The following RNF152 variants were observed in gnomAD, a reference collection of about 807,000 sequenced individuals.
The protein encoded by RNF152 is ring finger protein 152.
RNF152 carries 11 observed loss-of-function variants against 12.7 expected under a neutral mutation model. That is an observed-to-expected ratio of 0.86 (90% CI 0.54 to 1.43). RNF152 has a LOEUF of 1.43. RNF152 is among the 40% of genes most tolerant of loss of function. The pLI is 0.00. For missense variants in RNF152, 255 were observed against 274.8 expected (o/e 0.93, Z 0.51); for synonymous variants, 113 against 120.3 (o/e 0.94, Z 0.40).
chr18:61,833,320 T>G (rs1227714388), intron 1 of RNF152, among the ~76,000 whole-genome samples: 1 of 152,208 alleles, frequency 6.6e-6, no homozygotes, highest in African/African-American at 2.4e-5. Flanking sequence ...ACTCTCAAGT[T>G]ATTGAGTAAC....
intron 1 of RNF152, among the ~76,000 whole-genome samples, chr18:61,853,753 A>G (rs1911094479): frequency 6.6e-6 from 1 of 152,128 alleles, no homozygotes; most frequent in African/African-American, 2.4e-5. Flanking sequence ...GCTCAACCAG[A>G]TATTTCAGGA....
At position 61,811,093 on chromosome 18, in the gene RNF152, A is replaced by G. The variant is rs1912960752; in HGVS notation, c.*4759T>C. On this transcript the variant is annotated 3_prime_UTR_variant, in exon 2 of 2. Coordinates refer to ENST00000312828, the MANE Select transcript of RNF152 (RefSeq NM_173557.3). ...ATTTTTAAAGGCAAGCTAAGAAGGA[A>G]AGTCTTGCACATTGATGAGTTCTAG... is the stretch of plus-strand genomic sequence containing the variant. 6.6e-6 allele frequency: 1 copy of G among 152,308 alleles called. No homozygotes were observed. Among genetic ancestry groups the G allele is most frequent in the South Asian group, 2.1e-4 (1 of 4,830 alleles). The allele number at this position is 152,308 out of a possible 1,614,324, so 9.4% of individuals were successfully genotyped here.
intron 1 of RNF152, among the ~76,000 whole-genome samples, chr18:61,819,991 A>C (rs2144621794): frequency 6.9e-6 from 1 of 144,650 alleles, no homozygotes. Flanking sequence ...ACTGCACTCC[A>C]GCCTGAATGA....
At chr18:61,870,386 G>A (rs1287220310) in intron 1 of RNF152, among the ~76,000 whole-genome samples, 1 of 152,068 alleles carries the variant, frequency 6.6e-6, no homozygotes, top group Non-Finnish European at 1.5e-5. Flanking sequence ...CATCTCCCAC[G>A]TGGTATTTTC....
intron 1 of RNF152, among the ~76,000 whole-genome samples, chr18:61,878,071 G>C (rs1395869348): frequency 6.6e-6 from 1 of 152,194 alleles, no homozygotes; most frequent in Non-Finnish European, 1.5e-5. Flanking sequence ...AAGAGAACGA[G>C]GGTAGAAAAG....
chr18:61,819,236 C>T (rs1233512473), intron 1 of RNF152, among the ~76,000 whole-genome samples: 1 of 152,216 alleles, frequency 6.6e-6, no homozygotes, highest in Non-Finnish European at 1.5e-5. Flanking sequence ...TGCAAGCACT[C>T]TCCCCAGACC....
At chr18:61,864,655 T>C (rs1410768682) in intron 1 of RNF152, among the ~76,000 whole-genome samples, 1 of 152,166 alleles carries the variant, frequency 6.6e-6, no homozygotes, top group Non-Finnish European at 1.5e-5. Flanking sequence ...CACAACCCTC[T>C]AATCACAGAG....
intron 1 of RNF152, among the ~76,000 whole-genome samples, chr18:61,817,742 TA>T (rs397956442): frequency 0.013 from 1,930 of 143,152 alleles, 24 homozygotes; most frequent in African/African-American, 0.038. Flanking sequence ...TTCCTCATTG[TA>T]AAAAAAAAAA....
chr18:61,825,994 A>G (rs1909647076), intron 1 of RNF152, among the ~76,000 whole-genome samples: 1 of 152,220 alleles, frequency 6.6e-6, no homozygotes, highest in Admixed American at 6.5e-5. Flanking sequence ...AGGGGCAGGT[A>G]GTATATCCAG....
At chr18:61,839,728 T>C (rs1910362683) in intron 1 of RNF152, among the ~76,000 whole-genome samples, 1 of 152,118 alleles carries the variant, frequency 6.6e-6, no homozygotes. Flanking sequence ...ACCCTGTCTC[T>C]ACTAAAAATA....
At chr18:61,872,037 G>C (rs193256917) in intron 1 of RNF152, among the ~76,000 whole-genome samples, 1 of 152,198 alleles carries the variant, frequency 6.6e-6, no homozygotes, top group African/African-American at 2.4e-5. Context: ...TGTACAGTAA[G>C]CATGATGTTG....
chr18:61,873,588 G>GC, intron 1 of RNF152, among the ~76,000 whole-genome samples: 1 of 152,166 alleles, frequency 6.6e-6, no homozygotes, highest in Non-Finnish European at 1.5e-5. Context: ...ACCCACCTCA[G>GC]CTGCCAAAGT....
At chr18:61,878,179 T>C (rs1485844437) in intron 1 of RNF152, among the ~76,000 whole-genome samples, 1 of 152,170 alleles carries the variant, frequency 6.6e-6, no homozygotes, top group Admixed American at 6.5e-5. Flanking sequence ...TATAGTCGAG[T>C]GATTGTCAAC....
chr18:61,823,034 T>C (rs1909490636), intron 1 of RNF152, among the ~76,000 whole-genome samples: 1 of 152,244 alleles, frequency 6.6e-6, no homozygotes, highest in Admixed American at 6.5e-5. Flanking sequence ...GTGGCAAGAA[T>C]GGGAATGCCC....
At chr18:61,875,114 A>T (rs555913105) in intron 1 of RNF152, 1 of 152,230 alleles carries the variant, frequency 6.6e-6, no homozygotes, top group Admixed American at 6.5e-5. Context: ...TATTGAAGGA[A>T]GAGTTAGAGT....
intron 1 of RNF152, among the ~76,000 whole-genome samples, chr18:61,885,770 G>C (rs1021409964): frequency 2.4e-4 from 36 of 152,024 alleles, no homozygotes; most frequent in African/African-American, 8.5e-4. Flanking sequence ...AAAAAGGGAG[G>C]TAAAACAGAT....
chr18:61,824,937 T>TGACA (rs1909587300), intron 1 of RNF152, among the ~76,000 whole-genome samples: 1 of 152,166 alleles, frequency 6.6e-6, no homozygotes, highest in Admixed American at 6.5e-5. Flanking sequence ...TAAAAGATGC[T>TGACA]GACAGATAGA....
Position 61,814,276 on chromosome 18 carries a change from T to G in RNF152, c.*1576A>C, listed in dbSNP as rs1303481184. ...CACAGGGCTATTTTCTAGCCTTGCT[T>G]TTTGGAATTAGCCCTGCTTGTCTTT... On this transcript the variant is annotated 3_prime_UTR_variant, in exon 2 of 2. Transcript: ENST00000312828. 1 of 152,238 alleles carries G rather than the reference T, an allele frequency of 6.6e-6. No homozygotes were observed. Among genetic ancestry groups the G allele is most frequent in the Non-Finnish European group, 1.5e-5 (1 of 68,048 alleles). 9.4% of individuals were successfully genotyped at this position (152,238 alleles called of 1,614,324 possible).
chr18:61,852,802 G>A (rs755446098), intron 1 of RNF152, among the ~76,000 whole-genome samples: 18 of 152,066 alleles, frequency 1.2e-4, no homozygotes, highest in Non-Finnish European at 2.2e-4. Flanking sequence ...CAGAACATAA[G>A]GCACACACCT....
Sources: allele counts gnomAD v4.1 joint callset (sites outside exome capture counted in the v4.1 genomes callset), GRCh38; gene constraint gnomAD v4.1.1; transcripts MANE v1.5; gene names NCBI Gene and HGNC (gene_info 2026-07-23, HGNC 2026-07-21).